The following FBXL17 variants were observed in gnomAD, a reference collection of about 807,000 sequenced individuals.
The protein encoded by FBXL17 is F-box/LRR-repeat protein 17.
FBXL17 carries 22 observed loss-of-function variants against 66.2 expected under a neutral mutation model. The ratio of observed to expected loss-of-function variants is 0.33; its 90% CI spans 0.24 to 0.47. The LOEUF is 0.47. Among genes scored for constraint, FBXL17 ranks in the 20% least tolerant of loss-of-function variants. The probability of loss-of-function intolerance (pLI) is 1.00; values close to 1 mark genes in which losing one functional copy is unlikely to be tolerated. For synonymous variants in FBXL17, 474 were observed against 400.5 expected (o/e 1.18, Z -2.19); for missense variants, 878 against 948.2 (o/e 0.93, Z 0.97).
chr5:107,864,755 T>A (rs1295983326), intron 8 of FBXL17, among the ~76,000 whole-genome samples: 1 of 152,198 alleles, frequency 6.6e-6, no homozygotes, highest in African/African-American at 2.4e-5. Flanking sequence ...CCTGAGGCCC[T>A]CACCAGAAGC....
intron 4 of FBXL17, among the ~76,000 whole-genome samples, chr5:108,331,641 G>A (rs1760127100): frequency 6.6e-6 from 1 of 152,072 alleles, no homozygotes; most frequent in Non-Finnish European, 1.5e-5. Context: ...ACTTATTAAT[G>A]ACACTACACA....
chr5:108,124,505 C>G (rs902373060), intron 6 of FBXL17, among the ~76,000 whole-genome samples: 3 of 152,006 alleles, frequency 2.0e-5, no homozygotes, highest in African/African-American at 7.2e-5. Context: ...TTTTAAAGAA[C>G]AAACATAATT....
intron 7 of FBXL17, among the ~76,000 whole-genome samples, chr5:107,927,694 C>A (rs1750572945): frequency 2.0e-5 from 3 of 151,956 alleles, no homozygotes; most frequent in Non-Finnish European, 4.4e-5. Context: ...AGAAAAGGTT[C>A]TTTAATTTCC....
Position 108,364,816 on chromosome 5 carries a change from C to T in FBXL17, c.1296G>A (p.Ala432=), listed in dbSNP as rs569578992. Residue 432 remains alanine (A), a synonymous_variant, in exon 3 of 9, where the codon GCG becomes GCA. Coordinates refer to ENST00000542267, the MANE Select transcript of FBXL17 (RefSeq NM_001163315.3). ...CKQLSDTSII[A]VASHCPLLQK... ...GAAGTAAAGGACAGTGAGAGGCAAC[C>T]GCAATAATAGAGGTGTCAGAAAGCT... 28 of 1,612,694 alleles carry T rather than the reference C, an allele frequency of 1.7e-5. No individual in the cohort carries two copies. Among genetic ancestry groups the T allele is most frequent in the Middle Eastern group, 1.7e-4 (1 of 6,052 alleles).
intron 4 of FBXL17, among the ~76,000 whole-genome samples, chr5:108,228,651 T>G (rs2150082292): frequency 6.6e-6 from 1 of 152,340 alleles, no homozygotes. Context: ...TTCCCCTTTC[T>G]TCTGTATTCC....
intron 5 of FBXL17, among the ~76,000 whole-genome samples, chr5:108,221,196 G>A: frequency 6.6e-6 from 1 of 152,126 alleles, no homozygotes; most frequent in East Asian, 1.9e-4. Context: ...AGTCAAGCCT[G>A]AGAAAATCAA....
In FBXL17 at chr5:108,381,295, AGGC is replaced by A. The variant is rs1749890838; in HGVS notation, c.394_396del (p.Ala132del). The A allele has an allele frequency of 7.1e-7, 1 of 1,409,594 alleles. No homozygotes were observed. Among genetic ancestry groups the A allele is most frequent in the African/African-American group, 1.5e-5 (1 of 66,410 alleles). 87.3% of individuals were successfully genotyped at this position (1,409,594 alleles called of 1,614,324 possible). A position where few individuals can be genotyped will look rare whatever the true frequency, so the allele number is the denominator to read the frequency against. On this transcript the variant is annotated inframe_deletion, in exon 1 of 9. Coordinates refer to ENST00000542267, the MANE Select transcript of FBXL17 (RefSeq NM_001163315.3). ...CAGCAGGAGGCGGGCGACGAAGCCGAGGCGGCAGCGGCGGCGGCGGCGGCGGCC... is the reference window on the plus strand; with the variant it reads ...CAGCAGGAGGCGGGCGACGAAGCCGAGGCAGCGGCGGCGGCGGCGGCGGCC...
At chr5:108,168,947 A>G (rs1752508687) in intron 6 of FBXL17, among the ~76,000 whole-genome samples, 1 of 152,238 alleles carries the variant, frequency 6.6e-6, no homozygotes, top group Non-Finnish European at 1.5e-5. Flanking sequence ...ATATATGTGC[A>G]TCCCATAAAC....
chr5:108,221,826 A>G (rs1429035709), intron 5 of FBXL17, among the ~76,000 whole-genome samples: 1 of 152,210 alleles, frequency 6.6e-6, no homozygotes, highest in Non-Finnish European at 1.5e-5. Context: ...TTTTCAAGAG[A>G]TAAACCAATT....
intron 7 of FBXL17, among the ~76,000 whole-genome samples, chr5:107,956,775 C>T (rs972098253): frequency 6.6e-6 from 1 of 152,066 alleles, no homozygotes; most frequent in African/African-American, 2.4e-5. Context: ...CTCCCCAAGA[C>T]AAGCTGATTT....
chr5:107,892,368 T>C (rs532542889), intron 7 of FBXL17, among the ~76,000 whole-genome samples: 5 of 152,262 alleles, frequency 3.3e-5, no homozygotes, highest in Admixed American at 6.5e-5. Flanking sequence ...GCTACAAGTA[T>C]GTCAATCACT....
chr5:107,931,066 C>T (rs1471116930), intron 7 of FBXL17, among the ~76,000 whole-genome samples: 7 of 152,006 alleles, frequency 4.6e-5, no homozygotes, highest in South Asian at 2.1e-4. Context: ...GCTGAGCAGT[C>T]GGTTGAATTG....
intron 6 of FBXL17, among the ~76,000 whole-genome samples, chr5:108,144,800 T>C (rs567270881): frequency 2.6e-5 from 4 of 152,188 alleles, no homozygotes; most frequent in Non-Finnish European, 5.9e-5. Context: ...AATCTTTTAG[T>C]TGGCCTATTT....
intron 3 of FBXL17, among the ~76,000 whole-genome samples, chr5:108,351,789 A>G (rs1160231866): frequency 6.6e-6 from 1 of 152,234 alleles, no homozygotes; most frequent in Non-Finnish European, 1.5e-5. Flanking sequence ...ACAAGCTAGA[A>G]AAACGGAGAA....
intron 7 of FBXL17, among the ~76,000 whole-genome samples, chr5:107,964,612 C>T (rs1414464297): frequency 2.0e-5 from 3 of 152,084 alleles, no homozygotes; most frequent in South Asian, 2.1e-4. Context: ...CATTAGTACA[C>T]AGTTAAGACT....
intron 8 of FBXL17, among the ~76,000 whole-genome samples, chr5:107,868,631 G>A (rs2112484274): frequency 6.6e-6 from 1 of 152,322 alleles, no homozygotes; most frequent in Non-Finnish European, 1.5e-5. Flanking sequence ...CTGCCCTCTT[G>A]TAGCTTATAA....
intron 4 of FBXL17, among the ~76,000 whole-genome samples, chr5:108,287,005 A>G (rs1483515853): frequency 6.6e-6 from 1 of 152,096 alleles, no homozygotes; most frequent in Non-Finnish European, 1.5e-5. Context: ...TCTTCAACAA[A>G]GTCAACAAAA....
At chr5:108,235,412 C>G (rs1337251758) in intron 4 of FBXL17, among the ~76,000 whole-genome samples, 1 of 152,150 alleles carries the variant, frequency 6.6e-6, no homozygotes, top group Non-Finnish European at 1.5e-5. Context: ...CTAGAATATA[C>G]ATTGTGGTTA....
intron 5 of FBXL17, among the ~76,000 whole-genome samples, chr5:108,187,883 T>C (rs768992353): frequency 6.6e-6 from 1 of 152,154 alleles, no homozygotes; most frequent in Non-Finnish European, 1.5e-5. Context: ...TTAAGTCAGT[T>C]CAGCTTAAAC....
Sources: gnomAD v4.1 joint callset for allele counts (sites outside exome capture counted in the v4.1 genomes callset) on GRCh38, gnomAD v4.1.1 for gene constraint, MANE v1.5 for transcripts, NCBI Gene and HGNC (gene_info 2026-07-23, HGNC 2026-07-21) for gene names.